NFIB: variants seen among roughly 807,000 people sequenced by gnomAD.
NFIB encodes nuclear factor I B.
Under a neutral mutation model 61.5 loss-of-function variants are expected in NFIB, and 11 were observed. That is an observed-to-expected ratio of 0.18 (90% confidence interval 0.11 to 0.30). The LOEUF is 0.30. Ranked by LOEUF, NFIB falls within the 10% of genes least tolerant of loss-of-function variation. NFIB has a pLI of 1.00. For synonymous variants in NFIB, 260 were observed against 216.5 expected (o/e 1.20, Z -1.76); for missense variants, 471 against 608.9 (o/e 0.77, Z 2.38).
intron 6 of NFIB, among the ~76,000 whole-genome samples, chr9:14,138,633 C>T (rs2041340989): frequency 6.6e-6 from 1 of 151,712 alleles, no homozygotes. Context: ...CTTTAAAATA[C>T]TTTTAAAAAC....
the NFIB span, among the ~76,000 whole-genome samples, chr9:14,522,362 TTA>T: frequency 6.6e-6 from 1 of 152,170 alleles, no homozygotes; most frequent in East Asian, 1.9e-4. Flanking sequence ...GGGGTACCAT[TTA>T]TAAACATCTT....
At chr9:14,162,744 C>A (rs911787094) in intron 3 of NFIB, among the ~76,000 whole-genome samples, 16 of 151,956 alleles carry the variant, frequency 1.1e-4, no homozygotes, top group African/African-American at 3.9e-4. Flanking sequence ...AACTCTGAAT[C>A]GTGAATACTA....
intron 2 of NFIB, among the ~76,000 whole-genome samples, chr9:14,182,557 G>T (rs1311553305): frequency 6.6e-6 from 1 of 152,080 alleles, no homozygotes; most frequent in Non-Finnish European, 1.5e-5. Context: ...TGTTATTGTG[G>T]TTGACTTCAG....
intron 3 of NFIB, among the ~76,000 whole-genome samples, chr9:14,160,439 A>G (rs940577246): frequency 6.6e-6 from 1 of 152,158 alleles, no homozygotes; most frequent in Non-Finnish European, 1.5e-5. Flanking sequence ...TGAAATTAAA[A>G]AAAAAGAAGC....
the NFIB span, among the ~76,000 whole-genome samples, chr9:14,500,907 CCT>C: frequency 6.6e-6 from 1 of 152,278 alleles, no homozygotes; most frequent in East Asian, 1.9e-4. Context: ...GAAATGTCAG[CCT>C]CTCTCGTTAA....
chr9:14,504,511 T>C, the NFIB span, among the ~76,000 whole-genome samples: 2 of 152,176 alleles, frequency 1.3e-5, no homozygotes, highest in Non-Finnish European at 2.9e-5. Flanking sequence ...CTTTCAGCAG[T>C]GTTTTGTAGT....
At chr9:14,370,851 T>G (rs151205708) in intron 1 of NFIB, among the ~76,000 whole-genome samples, 2,680 of 152,302 alleles carry the variant, frequency 0.018, 88 homozygotes, top group African/African-American at 0.061. Flanking sequence ...TTCCAGCAGT[T>G]TGGGAGGCCG....
chr9:14,309,025 C>T (rs1306219759), intron 1 of NFIB, among the ~76,000 whole-genome samples: 1 of 152,142 alleles, frequency 6.6e-6, no homozygotes, highest in African/African-American at 2.4e-5. Context: ...ATGAGAACTT[C>T]CACCACCACC....
intron 6 of NFIB, among the ~76,000 whole-genome samples, chr9:14,138,670 G>A (rs965047768): frequency 1.5e-4 from 23 of 152,084 alleles, no homozygotes; most frequent in African/African-American, 5.1e-4. Flanking sequence ...CAATAAGACT[G>A]GCAAAGTGTT....
chr9:14,332,836 T>C (rs2060838599), intron 1 of NFIB, among the ~76,000 whole-genome samples: 1 of 152,138 alleles, frequency 6.6e-6, no homozygotes, highest in African/African-American at 2.4e-5. Context: ...AGGCTATAGC[T>C]AACAGAAACA....
At chr9:14,349,901 G>T (rs35249651) in intron 1 of NFIB, among the ~76,000 whole-genome samples, 4,293 of 152,300 alleles carry the variant, frequency 0.028, 96 homozygotes, top group Middle Eastern at 0.12. Flanking sequence ...TGGCTCTTAA[G>T]TCACACCCCC....
intron 1 of NFIB, among the ~76,000 whole-genome samples, chr9:14,380,891 T>G (rs1265164482): frequency 6.6e-6 from 1 of 151,852 alleles, no homozygotes; most frequent in African/African-American, 2.4e-5. Context: ...TGTCACTAAT[T>G]CACCTCATCT....
intron 1 of NFIB, among the ~76,000 whole-genome samples, chr9:14,352,129 T>A (rs953383752): frequency 2.0e-5 from 3 of 152,080 alleles, no homozygotes; most frequent in African/African-American, 4.8e-5. Flanking sequence ...TTAACCCCAA[T>A]AAAATTTTAA....
upstream of NFIB, among the ~76,000 whole-genome samples, chr9:14,403,242 C>T (rs1364932481): frequency 1.3e-5 from 2 of 152,188 alleles, no homozygotes; most frequent in African/African-American, 4.8e-5. Context: ...TCTGATTCCT[C>T]AGGCCAAGAT....
chr9:14,241,428 T>C (rs1311265295), intron 2 of NFIB, among the ~76,000 whole-genome samples: 2 of 152,208 alleles, frequency 1.3e-5, no homozygotes, highest in East Asian at 3.8e-4. Flanking sequence ...GCTGCATGAA[T>C]TATTAATTTT....
At chr9:14,216,658 GCTGTGTC>G (rs2050961519) in intron 2 of NFIB, among the ~76,000 whole-genome samples, 1 of 149,962 alleles carries the variant, frequency 6.7e-6, no homozygotes, top group Non-Finnish European at 1.5e-5. Flanking sequence ...CTGGAGAGAC[GCTGTGTC>G]CTCCAAAGGA....
At chr9:14,341,581 T>C (rs2132875381) in intron 1 of NFIB, among the ~76,000 whole-genome samples, 1 of 152,282 alleles carries the variant, frequency 6.6e-6, no homozygotes, top group South Asian at 2.1e-4. Context: ...CGCTCACTGG[T>C]TGCCAAGGCT....
At chr9:14,500,817 G>A in the NFIB span, among the ~76,000 whole-genome samples, 70 of 152,192 alleles carry the variant, frequency 4.6e-4, 1 homozygote, top group East Asian at 0.012. Flanking sequence ...ATTTCCCACA[G>A]CGAATCTACA....
At chr9:14,119,341 C>T (rs1407107097) in intron 8 of NFIB, among the ~76,000 whole-genome samples, 2 of 152,108 alleles carry the variant, frequency 1.3e-5, no homozygotes, top group African/African-American at 4.8e-5. Context: ...ACTTCAAATT[C>T]AAAATTCAAT....
Sources: allele counts gnomAD v4.1 joint callset (sites outside exome capture counted in the v4.1 genomes callset), GRCh38; gene constraint gnomAD v4.1.1; transcripts MANE v1.5; gene names NCBI Gene and HGNC (gene_info 2026-07-23, HGNC 2026-07-21).